The following MKLN1 variants were observed in gnomAD, a reference collection of about 807,000 sequenced individuals.
MKLN1 encodes muskelin.
Under a neutral mutation model 99.0 loss-of-function variants are expected in MKLN1, and 18 were observed. That is an observed-to-expected ratio of 0.18 (90% CI 0.13 to 0.27). The LOEUF is 0.27. Among genes scored for constraint, MKLN1 ranks in the 10% least tolerant of loss-of-function variants. The pLI is 1.00. For synonymous variants in MKLN1, 288 were observed against 293.2 expected (o/e 0.98, Z 0.18); for missense variants, 621 against 875.9 (o/e 0.71, Z 3.67).
chr7:131,318,959 TACCAACCAAAAA>T (rs554038285), intron 3 of MKLN1, among the ~76,000 whole-genome samples: 1 of 152,184 alleles, frequency 6.6e-6, no homozygotes, highest in African/African-American at 2.4e-5. Flanking sequence ...GTTAATAGCC[TACCAACCAAAAA>T]AAGCCCAGGA....
chr7:131,224,149 C>T (rs1276913445), intron 3 of MKLN1, among the ~76,000 whole-genome samples: 1 of 152,234 alleles, frequency 6.6e-6, no homozygotes, highest in Non-Finnish European at 1.5e-5. Context: ...ACCTGTAATC[C>T]CAGCACTTTG....
intron 17 of MKLN1, among the ~76,000 whole-genome samples, chr7:131,481,430 G>A (rs757040891): frequency 5.3e-5 from 8 of 152,102 alleles, no homozygotes; most frequent in Non-Finnish European, 1.0e-4. Context: ...AGCCAGGTGC[G>A]ATAACTCATG....
At chr7:131,115,597 T>G (rs1456379459) in intron 1 of MKLN1, among the ~76,000 whole-genome samples, 1 of 152,180 alleles carries the variant, frequency 6.6e-6, no homozygotes, top group Non-Finnish European at 1.5e-5. Flanking sequence ...GCACCTGTGA[T>G]AAAGTCCAGA....
intron 3 of MKLN1, among the ~76,000 whole-genome samples, chr7:131,236,125 G>A (rs983145745): frequency 6.6e-6 from 1 of 152,216 alleles, no homozygotes; most frequent in African/African-American, 2.4e-5. Flanking sequence ...TAAAATGTAA[G>A]TAGTAAGTAA....
chr7:131,241,533 CT>C (rs1797403731), intron 3 of MKLN1, among the ~76,000 whole-genome samples: 1 of 152,118 alleles, frequency 6.6e-6, no homozygotes, highest in Admixed American at 6.5e-5. Flanking sequence ...ATAGTGAGAA[CT>C]TGTCGCTACA....
In MKLN1 at chr7:131,207,973, GT is replaced by G. The variant is rs1368521996; in HGVS notation, c.-179+5002del. Among the ~76,000 whole-genome samples the G allele has an allele frequency of 3.3e-5, 5 of 152,168 alleles. No homozygotes were observed. In the South Asian group the frequency reaches 6.2e-4, roughly 19 times the overall value. The stretch of plus-strand genomic sequence containing the variant: ...TCTCACTTCTTCCCAGAATATTTAG[GT>G]TTCCCCCTTCTTAAAGTCCTGGCCA... On this transcript the variant is annotated intron_variant, in intron 3 of 7. Coordinates refer to the MKLN1 transcript ENST00000416992.
chr7:131,147,133 C>A (rs1411043660), intron 2 of MKLN1, among the ~76,000 whole-genome samples: 4 of 151,842 alleles, frequency 2.6e-5, no homozygotes, highest in African/African-American at 7.3e-5. Flanking sequence ...GTCTCAGCAA[C>A]CTTCATCTCC....
intron 3 of MKLN1, among the ~76,000 whole-genome samples, chr7:131,309,155 T>C (rs1584904947): frequency 6.6e-6 from 1 of 152,256 alleles, no homozygotes; most frequent in Admixed American, 6.5e-5. Context: ...CTTAAAATCA[T>C]GTCCTGTAGA....
intron 3 of MKLN1, among the ~76,000 whole-genome samples, chr7:131,274,504 G>A (rs1797931502): frequency 6.6e-6 from 1 of 151,856 alleles, no homozygotes; most frequent in East Asian, 1.9e-4. Flanking sequence ...TTAGCTGAGT[G>A]TGGTGTCATG....
intron 3 of MKLN1, among the ~76,000 whole-genome samples, chr7:131,254,745 C>A (rs538420100): frequency 4.6e-5 from 7 of 151,928 alleles, no homozygotes; most frequent in African/African-American, 1.4e-4. Flanking sequence ...ATTATTTAAT[C>A]TCAAGAAGAG....
At chr7:131,212,365 A>G (rs1796918502) in intron 3 of MKLN1, among the ~76,000 whole-genome samples, 1 of 152,162 alleles carries the variant, frequency 6.6e-6, no homozygotes, top group Non-Finnish European at 1.5e-5. Context: ...TTCTCTTCCT[A>G]CCAGGAATCC....
At chr7:131,355,122 T>C (rs1799835088) in intron 1 of MKLN1, among the ~76,000 whole-genome samples, 1 of 152,130 alleles carries the variant, frequency 6.6e-6, no homozygotes, top group East Asian at 1.9e-4. Context: ...CCTGATTGTG[T>C]ATTCATGTAT....
rs532370518 is a variant in MKLN1 at position 131,493,319 on chromosome 7, C to T, written c.*5591C>T. The T allele has an allele frequency of 9.2e-5, 14 of 152,160 alleles. No individual in the cohort carries two copies. The highest frequency in any genetic ancestry group is 3.1e-4 in the African/African-American group (13 of 41,518). The allele number at this position is 152,160 out of a possible 1,614,324, so 9.4% of individuals were successfully genotyped here. On this transcript the variant is annotated 3_prime_UTR_variant, in exon 18 of 18. Coordinates refer to ENST00000352689, the MANE Select transcript of MKLN1 (RefSeq NM_013255.5). Reference sequence around the variant, plus strand: ...ACTTGGAAGTATTAAACTTCAGGAACGAGCTAGAGAAGACAATGAGGGTAT... The same window carrying T: ...ACTTGGAAGTATTAAACTTCAGGAATGAGCTAGAGAAGACAATGAGGGTAT...
rs980258495 is a variant in MKLN1, at chr7:131,340,178, C to T, written c.98+12181C>T. ...TTTCTCAGGAAATCCTGCCTGACCC[C>T]CCTTTCCCCTTTGTTCTGGCACCCA... On this transcript the variant is annotated intron_variant, in intron 1 of 17. Coordinates refer to ENST00000352689, the MANE Select transcript of MKLN1 (RefSeq NM_013255.5). 3.3e-5 allele frequency among the ~76,000 whole-genome samples: 5 copies of T among 152,038 alleles called. No individual in the cohort carries two copies. In the East Asian group the frequency reaches 9.6e-4, roughly 29 times the overall value.
Position 131,387,105 on chromosome 7 carries a change from C to T in MKLN1, c.169-15C>T, listed in dbSNP as rs777194620. 6.3e-6 allele frequency: 10 copies of T among 1,576,872 alleles called. No individual in the cohort carries two copies. The highest frequency in any genetic ancestry group is 2.8e-5 in the African/African-American group (2 of 72,696). On this transcript the variant is annotated splice_polypyrimidine_tract_variant and intron_variant, in intron 2 of 17. Transcript: ENST00000352689. Reference sequence around the variant, plus strand: ...TAAACAGAAGAGGATATAATTTGGTCGTTTCTTTTTTTAGTACTTGATTCT... The same window carrying T: ...TAAACAGAAGAGGATATAATTTGGTTGTTTCTTTTTTTAGTACTTGATTCT...
intron 3 of MKLN1, among the ~76,000 whole-genome samples, chr7:131,259,773 C>A (rs560043303): frequency 3.3e-5 from 5 of 152,122 alleles, no homozygotes; most frequent in African/African-American, 9.6e-5. Flanking sequence ...AAAGCATCAC[C>A]ACTATTTCCA....
At chr7:131,437,293 G>T (rs1279543470) in intron 9 of MKLN1, among the ~76,000 whole-genome samples, 3 of 151,916 alleles carry the variant, frequency 2.0e-5, no homozygotes, top group Non-Finnish European at 4.4e-5. Flanking sequence ...TTAAACTAGA[G>T]ATTTTATTGA....
rs188698151 is a variant in MKLN1 at position 131,339,602 on chromosome 7, G to A, written c.98+11605G>A. Reference sequence around the variant, plus strand: ...TGCTCCCAGCTGTTTGGGAGGCTGAGGCACGAGAATTGCTTGAATCCAGGA... The same window carrying A: ...TGCTCCCAGCTGTTTGGGAGGCTGAAGCACGAGAATTGCTTGAATCCAGGA... On this transcript the variant is annotated intron_variant, in intron 1 of 17. Coordinates refer to ENST00000352689, the MANE Select transcript of MKLN1 (RefSeq NM_013255.5). 2.8e-4 allele frequency among the ~76,000 whole-genome samples: 43 copies of A among 152,030 alleles called. No individual in the cohort carries two copies. In the East Asian group the frequency reaches 8.3e-3, roughly 29 times the overall value.
intron 1 of MKLN1, among the ~76,000 whole-genome samples, chr7:131,350,932 T>C (rs911247016): frequency 6.6e-6 from 1 of 152,238 alleles, no homozygotes; most frequent in Non-Finnish European, 1.5e-5. Context: ...TTATTTTACT[T>C]AACAGATTTA....
Sources: gnomAD v4.1 joint callset for allele counts (sites outside exome capture counted in the v4.1 genomes callset) on GRCh38, gnomAD v4.1.1 for gene constraint, MANE v1.5 for transcripts, NCBI Gene and HGNC (gene_info 2026-07-23, HGNC 2026-07-21) for gene names.